The following WDR37 variants were observed in gnomAD, a reference collection of about 807,000 sequenced individuals.
The protein encoded by WDR37 is WD repeat-containing protein 37.
In WDR37, 19 loss-of-function variants were observed where a neutral mutation model predicts 62.9. The ratio of observed to expected loss-of-function variants is 0.30; its 90% confidence interval spans 0.21 to 0.44. WDR37 has a LOEUF of 0.44. Ranked by LOEUF, WDR37 falls within the 20% of genes least tolerant of loss-of-function variation. The pLI is 1.00. For missense variants in WDR37, 474 were observed against 657.6 expected (o/e 0.72, Z 3.05); for synonymous variants, 250 against 260.9 (o/e 0.96, Z 0.40).
intron 9 of WDR37, among the ~76,000 whole-genome samples, chr10:1,099,820 C>T (rs1003810670): frequency 2.1e-5 from 3 of 141,896 alleles, no homozygotes; most frequent in Admixed American, 7.1e-5. Flanking sequence ...GCACTAATGG[C>T]GGGCATGGTG....
At chr10:1,123,435 G>A (rs183473784) in intron 11 of WDR37, among the ~76,000 whole-genome samples, 15 of 152,244 alleles carry the variant, frequency 9.9e-5, no homozygotes, top group African/African-American at 2.2e-4. Context: ...CCCAGACCCC[G>A]AGAACCTCTG....
At position 1,129,677 on chromosome 10, in the gene WDR37, CTT is replaced by C; in HGVS notation, c.*334_*335del. The C allele has an allele frequency of 1.0e-5, 2 of 196,396 alleles. No homozygotes were observed. The highest frequency in any genetic ancestry group is 1.0e-4 in the South Asian group (1 of 9,736). The allele number at this position is 196,396 out of a possible 1,614,324, so 12.2% of individuals were successfully genotyped here. A position where few individuals can be genotyped will look rare whatever the true frequency, so the allele number is the denominator to read the frequency against. On this transcript the variant is annotated 3_prime_UTR_variant, in exon 14 of 14. Transcript: ENST00000263150. ...TACATTTGTGTGAATTAAATGTGAACTTCTGTATTACGTTGCGGCGTCGGCAG... is the reference window on the plus strand; with the variant it reads ...TACATTTGTGTGAATTAAATGTGAACCTGTATTACGTTGCGGCGTCGGCAG...
At chr10:1,074,936 C>T (rs1177828080) in intron 2 of WDR37, among the ~76,000 whole-genome samples, 1 of 152,274 alleles carries the variant, frequency 6.6e-6, no homozygotes, top group East Asian at 1.9e-4. Context: ...GAAGAGCTGG[C>T]TGCTTCCCGC....
intron 11 of WDR37, among the ~76,000 whole-genome samples, chr10:1,107,581 C>T (rs1015555137): frequency 6.6e-6 from 1 of 151,980 alleles, no homozygotes; most frequent in African/African-American, 2.4e-5. Context: ...AACACACGCC[C>T]ACTAACCCTT....
chr10:1,083,550 AT>A (rs1215687265), intron 5 of WDR37, among the ~76,000 whole-genome samples: 1 of 152,192 alleles, frequency 6.6e-6, no homozygotes, highest in Non-Finnish European at 1.5e-5. Flanking sequence ...CATTATTCTG[AT>A]TTACTTAACA....
At chr10:1,092,583 C>T (rs942309730) in intron 7 of WDR37, among the ~76,000 whole-genome samples, 2 of 151,846 alleles carry the variant, frequency 1.3e-5, no homozygotes, top group African/African-American at 2.4e-5. Context: ...TGGTCTCGAT[C>T]TCCTGACCTC....
At chr10:1,096,347 C>A in intron 9 of WDR37, 101 bp downstream of exon 9, 1 of 1,362,536 alleles carries the variant, frequency 7.3e-7, no homozygotes, top group East Asian at 2.3e-5. Flanking sequence ...TTGTGTCCCC[C>A]CAAGTTCAGT....
chr10:1,093,686 G>A (rs1834474876), intron 8 of WDR37, among the ~76,000 whole-genome samples, 190 bp downstream of exon 8: 1 of 152,180 alleles, frequency 6.6e-6, no homozygotes, highest in African/African-American at 2.4e-5. Context: ...AGACAGTAGT[G>A]GATAAGCAGT....
intron 13 of WDR37, 67 bp downstream of exon 13, chr10:1,125,091 T>G: frequency 3.2e-6 from 5 of 1,562,882 alleles, no homozygotes; most frequent in Non-Finnish European, 4.3e-6. Flanking sequence ...TATTTTACAT[T>G]CTCATTTTCT....
chr10:1,092,637 C>T (rs995670291), intron 7 of WDR37, among the ~76,000 whole-genome samples: 10 of 151,678 alleles, frequency 6.6e-5, no homozygotes, highest in Non-Finnish European at 1.5e-4. Context: ...GTATTACAGG[C>T]GTGAGCCAGT....
rs375913509 is a variant in WDR37 at position 1,096,206 on chromosome 10, C to T, written c.686C>T (p.Ala229Val). 88 of 1,614,132 alleles carry T rather than the reference C, an allele frequency of 5.5e-5. 1 individual carries two copies. The highest frequency in any genetic ancestry group is 3.5e-4 in the African/African-American group (26 of 75,036). Residue 229 changes from alanine (A) to valine (V), a missense_variant, in exon 9 of 14, where the codon GCG (alanine) becomes GTG (valine). Transcript: ENST00000263150. The part of the protein sequence containing the change: ...GDQTAHIWRY[A>V]VQLPTPQPVA... ...CAGACTGCTCATATCTGGAGATACGCGGTGCAGCTGCCGACACCCCAGCCT... is the reference window on the plus strand; with the variant it reads ...CAGACTGCTCATATCTGGAGATACGTGGTGCAGCTGCCGACACCCCAGCCT...
intron 5 of WDR37, among the ~76,000 whole-genome samples, chr10:1,080,985 T>C (rs1192700583): frequency 1.3e-5 from 2 of 152,162 alleles, no homozygotes; most frequent in African/African-American, 4.8e-5. Context: ...TAATATATGA[T>C]GTATTAGTAA....
intron 1 of WDR37, among the ~76,000 whole-genome samples, chr10:1,065,926 AG>A (rs1833524590): frequency 1.3e-5 from 2 of 152,202 alleles, no homozygotes; most frequent in African/African-American, 4.8e-5. Flanking sequence ...TAGTTGACAT[AG>A]AAAATCCCAA....
chr10:1,103,608 G>T lies in WDR37; in HGVS notation c.733G>T (p.Gly245Trp). ...GCCTTCCCTTTGGCAGCAGATATCT[G>T]GGGAAGATGAAGTAGAGTGCTCTGA... is the stretch of plus-strand genomic sequence containing the variant. ...PQPVADTSISGEDEVECSDKD... is the reference protein window; with the variant it reads ...PQPVADTSISWEDEVECSDKD... The change falls in exon 10 of 14, where the codon GGG (glycine) becomes TGG (tryptophan). Residue 245 changes from glycine (G) to tryptophan (W), a missense_variant. Physicochemically the swap from Gly to Trp is radical, Grantham distance 184. Coordinates refer to ENST00000263150, the MANE Select transcript of WDR37 (RefSeq NM_014023.4). The surrounding 1 kb of genome is among the most constrained non-coding windows in gnomAD (Gnocchi z 6.3). 6.2e-7 allele frequency: 1 copy of T among 1,613,638 alleles called. No homozygotes were observed. The highest frequency in any genetic ancestry group is 8.5e-7 in the Non-Finnish European group (1 of 1,179,630).
intron 5 of WDR37, among the ~76,000 whole-genome samples, chr10:1,083,741 G>A (rs988966165): frequency 5.9e-5 from 9 of 152,180 alleles, no homozygotes; most frequent in African/African-American, 1.7e-4. Context: ...TGATGTGTTC[G>A]CGTTGTCTCC....
chr10:1,092,369 G>T (rs549612748), intron 7 of WDR37, among the ~76,000 whole-genome samples: 449 of 150,916 alleles, frequency 3.0e-3, no homozygotes, highest in East Asian at 5.4e-3. Flanking sequence ...AAATACAAAA[G>T]ACCCTCTTTT....
In WDR37 at chr10:1,117,923, C is replaced by G. The variant is rs1835457568; in HGVS notation, c.1104-6295C>G. ...TGCACGCATCTGAGCCGCGTGCACT[C>G]AGCCACCCTCAACCAGCTCTGTTTG... On this transcript the variant is annotated intron_variant, in intron 11 of 13. Coordinates refer to ENST00000263150, the MANE Select transcript of WDR37 (RefSeq NM_014023.4). Among the ~76,000 whole-genome samples, 3 of 151,242 alleles carry G rather than the reference C, an allele frequency of 2.0e-5. No individual in the cohort carries two copies. In the South Asian group the frequency reaches 6.3e-4, roughly 32 times the overall value.
intron 9 of WDR37, 109 bp downstream of exon 9, chr10:1,096,355 A>G (rs1834575754): frequency 2.4e-6 from 3 of 1,224,498 alleles, no homozygotes; most frequent in Non-Finnish European, 3.6e-6. Flanking sequence ...CCCCAAGTTC[A>G]GTGTTGAAGG....
Position 1,074,628 on chromosome 10 carries a change from C to T in WDR37, c.138+2335C>T, listed in dbSNP as rs571854922. On this transcript the variant is annotated intron_variant, in intron 2 of 13. Transcript: ENST00000263150. The stretch of plus-strand genomic sequence containing the variant: ...GGCGGGAGAGAGCTGTGGTGTCTGC[C>T]GCACGCGTTTGGCATGGTAGGTGTG... 1.8e-5 allele frequency: 16 copies of T among 864,946 alleles called. No individual in the cohort carries two copies. The East Asian group carries it at 6.2e-4, about 34-fold the overall frequency. The allele number at this position is 864,946 out of a possible 1,614,324, so 53.6% of individuals were successfully genotyped here.
Sources: allele counts gnomAD v4.1 joint callset (sites outside exome capture counted in the v4.1 genomes callset), GRCh38; gene constraint gnomAD v4.1.1; non-coding constraint Gnocchi (gnomAD v3.1); transcripts MANE v1.5; gene names NCBI Gene and HGNC (gene_info 2026-07-23, HGNC 2026-07-21).